Variants in CLIC4 observed in about 807,000 individuals in gnomAD.
CLIC4 encodes chloride intracellular channel protein 4.
In CLIC4, 13 loss-of-function variants were observed where a neutral mutation model predicts 24.6. The ratio of observed to expected loss-of-function variants is 0.53; its 90% CI spans 0.34 to 0.84. The LOEUF is 0.84. CLIC4 is among the 40% of genes least tolerant of loss of function. The pLI is 0.01. For missense variants in CLIC4, 227 were observed against 301.7 expected (o/e 0.75, Z 1.83); for synonymous variants, 104 against 111.3 (o/e 0.93, Z 0.41).
Position 24,842,616 on chromosome 1 carries a change from G to A in CLIC4, c.*1679G>A, listed in dbSNP as rs1639954867. On this transcript the variant is annotated 3_prime_UTR_variant, in exon 6 of 6. Coordinates refer to ENST00000374379, the MANE Select transcript of CLIC4 (RefSeq NM_013943.3). ...TGAAAGATAAGAAAATCTCCATGTT[G>A]TATCCATTTGGCTCAGGAAGATTCT... 6.6e-6 allele frequency: 1 copy of A among 151,908 alleles called. No homozygotes were observed. The highest frequency in any genetic ancestry group is 2.1e-4 in the South Asian group (1 of 4,828). 9.4% of individuals were successfully genotyped at this position (151,908 alleles called of 1,614,324 possible).
At chr1:24,820,828 T>G (rs558800454) in intron 3 of CLIC4, among the ~76,000 whole-genome samples, 2 of 152,322 alleles carry the variant, frequency 1.3e-5, no homozygotes, top group East Asian at 3.9e-4. Context: ...AAAACATACA[T>G]ATGACTTTAG....
chr1:24,755,114 C>T (rs1638829659), intron 1 of CLIC4, among the ~76,000 whole-genome samples: 1 of 150,578 alleles, frequency 6.6e-6, no homozygotes, highest in Admixed American at 6.6e-5. Flanking sequence ...ATAGTGAGTC[C>T]TCATCTCTAT....
intron 3 of CLIC4, among the ~76,000 whole-genome samples, chr1:24,819,840 A>G (rs1485349376): frequency 4.8e-5 from 7 of 144,676 alleles, no homozygotes; most frequent in Admixed American, 2.1e-4. Flanking sequence ...CCTGGGTTCA[A>G]GCGATTCTCC....
intron 1 of CLIC4, among the ~76,000 whole-genome samples, chr1:24,784,170 C>G (rs1198592453): frequency 6.6e-6 from 1 of 152,100 alleles, no homozygotes; most frequent in Non-Finnish European, 1.5e-5. Flanking sequence ...AGATTCATGT[C>G]CATATTACAA....
intron 3 of CLIC4, among the ~76,000 whole-genome samples, chr1:24,821,538 T>C (rs1224311790): frequency 6.6e-6 from 1 of 152,122 alleles, no homozygotes; most frequent in Non-Finnish European, 1.5e-5. Context: ...TCTTTGTTTT[T>C]TCTTTGTTTT....
At chr1:24,806,751 T>C (rs1639554035) in intron 2 of CLIC4, among the ~76,000 whole-genome samples, 1 of 152,234 alleles carries the variant, frequency 6.6e-6, no homozygotes, top group South Asian at 2.1e-4. Flanking sequence ...TTTGTTAATA[T>C]GATACTAAAA....
At chr1:24,831,935 G>T (rs1013369812) in intron 4 of CLIC4, among the ~76,000 whole-genome samples, 1 of 152,124 alleles carries the variant, frequency 6.6e-6, no homozygotes, top group Non-Finnish European at 1.5e-5. Flanking sequence ...CACCATGCCC[G>T]GCCATGCATT....
At chr1:24,791,084 G>A (rs972847606) in intron 1 of CLIC4, among the ~76,000 whole-genome samples, 1 of 152,098 alleles carries the variant, frequency 6.6e-6, no homozygotes. Flanking sequence ...TCAAGGGTAA[G>A]GGAACGCTGA....
At chr1:24,785,101 A>C (rs1639251997) in intron 1 of CLIC4, among the ~76,000 whole-genome samples, 1 of 148,636 alleles carries the variant, frequency 6.7e-6, no homozygotes, top group Admixed American at 6.6e-5. Flanking sequence ...TTTTTTTTAA[A>C]GCATCGGGTC....
At chr1:24,799,654 G>T (rs1242277416) in intron 2 of CLIC4, among the ~76,000 whole-genome samples, 1 of 139,266 alleles carries the variant, frequency 7.2e-6, no homozygotes, top group Admixed American at 6.8e-5. Flanking sequence ...AGGTGGGGGG[G>T]GTCAGCCCCC....
At chr1:24,803,604 T>A (rs933115104) in intron 2 of CLIC4, among the ~76,000 whole-genome samples, 1 of 152,184 alleles carries the variant, frequency 6.6e-6, no homozygotes, top group African/African-American at 2.4e-5. Flanking sequence ...CATATTGCAA[T>A]TTAAAGAACG....
Position 24,839,935 on chromosome 1 carries a change from A to G in CLIC4, c.491A>G (p.Asp164Gly), listed in dbSNP as rs1390406528. 2 of 1,613,608 alleles carry G rather than the reference A, an allele frequency of 1.2e-6. No homozygotes were observed. Among genetic ancestry groups the G allele is most frequent in the Non-Finnish European group, 1.7e-6 (2 of 1,179,988 alleles). Residue 164 changes from aspartate (D) to glycine (G), a missense_variant, in exon 5 of 6, where the codon GAT (aspartate) becomes GGT (glycine). Asp to Gly is a moderately conservative substitution (Grantham distance 94). Transcript: ENST00000374379. Reference protein sequence around the residue: ...YLNSPLPDEIDENSMEDIKFS... With the variant: ...YLNSPLPDEIGENSMEDIKFS... ...AATTCTCCTCTCCCTGATGAAATTG[A>G]TGAAAATAGTATGGAGGACATAAAG...
intron 1 of CLIC4, among the ~76,000 whole-genome samples, chr1:24,750,742 C>T (rs1384912109): frequency 6.6e-6 from 1 of 152,014 alleles, no homozygotes; most frequent in African/African-American, 2.4e-5. Context: ...CCTGTCTGTG[C>T]CACATCTGCA....
At chr1:24,758,285 G>C (rs995951727) in intron 1 of CLIC4, among the ~76,000 whole-genome samples, 6 of 151,116 alleles carry the variant, frequency 4.0e-5, no homozygotes, top group Non-Finnish European at 8.8e-5. Flanking sequence ...ACTAGAGATA[G>C]TTGTTGCTAT....
At chr1:24,795,483 G>A (rs184216889) in intron 1 of CLIC4, among the ~76,000 whole-genome samples, 58 of 151,826 alleles carry the variant, frequency 3.8e-4, no homozygotes, top group African/African-American at 1.4e-3. Context: ...GATTGTGCCT[G>A]TGAGTAACCA....
intron 1 of CLIC4, among the ~76,000 whole-genome samples, chr1:24,746,319 G>A (rs1638697712): frequency 6.6e-6 from 1 of 152,170 alleles, no homozygotes; most frequent in South Asian, 2.1e-4. Context: ...CGGCGTTGCT[G>A]CTTCGGGAAG....
chr1:24,806,410 A>G (rs1205935303), intron 2 of CLIC4, among the ~76,000 whole-genome samples: 1 of 152,234 alleles, frequency 6.6e-6, no homozygotes, highest in East Asian at 1.9e-4. Context: ...TGAAGGCACT[A>G]AAGTTTCTTC....
At chr1:24,836,072 A>T (rs959393129) in intron 4 of CLIC4, among the ~76,000 whole-genome samples, 2 of 152,196 alleles carry the variant, frequency 1.3e-5, no homozygotes, top group Non-Finnish European at 2.9e-5. Context: ...AAAGTTGACA[A>T]AGCCACACTG....
chr1:24,798,855 C>G (rs1028689040), intron 2 of CLIC4, among the ~76,000 whole-genome samples: 12 of 152,232 alleles, frequency 7.9e-5, no homozygotes, highest in Non-Finnish European at 1.6e-4. Context: ...CTGTGTTGGC[C>G]GGGCAGGTCT....
Sources: gnomAD v4.1 joint callset for allele counts (sites outside exome capture counted in the v4.1 genomes callset) on GRCh38, gnomAD v4.1.1 for gene constraint, MANE v1.5 for transcripts, NCBI Gene and HGNC (gene_info 2026-07-23, HGNC 2026-07-21) for gene names.